Variants in RCAN3 observed in about 807,000 individuals in gnomAD.
The protein encoded by RCAN3 is regulator of calcineurin 3.
RCAN3 carries 19 observed loss-of-function variants against 21.9 expected under a neutral mutation model. That is an observed-to-expected ratio of 0.87 (90% CI 0.61 to 1.27). The LOEUF (loss-of-function observed/expected upper bound fraction) is 1.27, where lower values mean the gene tolerates loss of function less well. Ranked by LOEUF, RCAN3 falls within the 50% of genes most tolerant of loss-of-function variation. The pLI is 0.00. For missense variants in RCAN3, 240 were observed against 300.1 expected, an observed-to-expected ratio of 0.80 and a Z score of 1.48; for synonymous variants, 114 against 112.3, an observed-to-expected ratio of 1.01 and a Z score of -0.09.
chr1:24,505,483 A>G (rs1647373317), intron 1 of RCAN3, among the ~76,000 whole-genome samples: 1 of 152,048 alleles, frequency 6.6e-6, no homozygotes, highest in South Asian at 2.1e-4. Flanking sequence ...TCCGCCTCCC[A>G]AAGTGCTGGG....
rs1162954418 is a variant in RCAN3, at chr1:24,539,170, G to A, written c.*3893G>A. ...CTGGCAATCCCAACTCCTGGGCTAG[G>A]GCTTTTTCTACCTTTTTTTGCATTG... is the stretch of plus-strand genomic sequence containing the variant. On this transcript the variant is annotated 3_prime_UTR_variant, in exon 5 of 5. Coordinates refer to ENST00000374395, the MANE Select transcript of RCAN3 (RefSeq NM_013441.4). The A allele has an allele frequency of 3.3e-5, 5 of 151,948 alleles. No individual in the cohort carries two copies. In the South Asian group the frequency reaches 1.0e-3, roughly 32 times the overall value. 9.4% of individuals were successfully genotyped at this position (151,948 alleles called of 1,614,324 possible). A position where few individuals can be genotyped will look rare whatever the true frequency, so the allele number is the denominator to read the frequency against.
At chr1:24,534,954 C>A in intron 4 of RCAN3, 139 bp from the exon 5 acceptor site, 1 of 794,716 alleles carries the variant, frequency 1.3e-6, no homozygotes, top group South Asian at 2.0e-5. Context: ...AGATAAAATA[C>A]TCTAACATAG....
intron 1 of RCAN3, among the ~76,000 whole-genome samples, chr1:24,508,023 G>C (rs1647574829): frequency 6.6e-6 from 1 of 152,126 alleles, no homozygotes; most frequent in African/African-American, 2.4e-5. Context: ...GGTTGCCAGT[G>C]AGCCGAGATT....
chr1:24,536,004 A>C lies in RCAN3; in HGVS notation c.*727A>C, dbSNP rs892250853. On this transcript the variant is annotated 3_prime_UTR_variant, in exon 5 of 5. Coordinates refer to ENST00000374395, the MANE Select transcript of RCAN3 (RefSeq NM_013441.4). ...ACATGGCTGCCCAGGAAGGACGGCC[A>C]CTTTAGAAGTGGGACGTATCACCAG... The C allele has an allele frequency of 2.6e-5, 4 of 152,156 alleles. No individual in the cohort carries two copies. Among genetic ancestry groups the C allele is most frequent in the Admixed American group, 1.3e-4 (2 of 15,276 alleles). The allele number at this position is 152,156 out of a possible 1,614,324, so 9.4% of individuals were successfully genotyped here. A position where few individuals can be genotyped will look rare whatever the true frequency, so the allele number is the denominator to read the frequency against.
chr1:24,514,341 A>G lies in RCAN3; in HGVS notation c.-32A>G. 2 of 1,592,074 alleles carry G rather than the reference A, an allele frequency of 1.3e-6. No homozygotes were observed. Among genetic ancestry groups the G allele is most frequent in the Non-Finnish European group, 1.7e-6 (2 of 1,167,986 alleles). On this transcript the variant is annotated 5_prime_UTR_variant, in exon 2 of 5. Coordinates refer to ENST00000374395, the MANE Select transcript of RCAN3 (RefSeq NM_013441.4). ...GGTGCCTGATAGACATCCTAGGACT[A>G]TACAGAAGGAAAAGGCCCACTTTGG...
intron 2 of RCAN3, among the ~76,000 whole-genome samples, chr1:24,524,744 G>A (rs1418885215): frequency 1.3e-5 from 2 of 151,770 alleles, no homozygotes; most frequent in Non-Finnish European, 2.9e-5. Flanking sequence ...GGATGCTAAA[G>A]ATAATTTCAC....
intron 3 of RCAN3, among the ~76,000 whole-genome samples, chr1:24,532,370 G>A (rs895544505): frequency 4.6e-5 from 7 of 152,000 alleles, no homozygotes; most frequent in Non-Finnish European, 8.8e-5. Flanking sequence ...GGGACTACAG[G>A]CATATGCCAC....
At chr1:24,522,345 G>C (rs1231090583) in intron 2 of RCAN3, among the ~76,000 whole-genome samples, 1 of 152,126 alleles carries the variant, frequency 6.6e-6, no homozygotes, top group Non-Finnish European at 1.5e-5. Flanking sequence ...TTTCTGTGCT[G>C]CCTGAACAAG....
At chr1:24,508,693 G>C (rs998834217) in intron 1 of RCAN3, among the ~76,000 whole-genome samples, 3 of 152,122 alleles carry the variant, frequency 2.0e-5, no homozygotes, top group Non-Finnish European at 2.9e-5. Context: ...GCTTGTTCGG[G>C]GATATCGCGG....
At chr1:24,531,462 C>A in intron 3 of RCAN3, 71 bp downstream of exon 3, 1 of 1,178,518 alleles carries the variant, frequency 8.5e-7, no homozygotes, top group Non-Finnish European at 1.2e-6. Flanking sequence ...TTTATTTCAC[C>A]GTTTTCTATA....
intron 2 of RCAN3, among the ~76,000 whole-genome samples, chr1:24,526,183 C>T (rs1649249313): frequency 6.6e-6 from 1 of 152,086 alleles, no homozygotes; most frequent in Admixed American, 6.5e-5. Flanking sequence ...CCTCGAACTC[C>T]TGGGTTCAAG....
upstream of RCAN3, chr1:24,502,602 G>GAA (rs1250701024): frequency 6.5e-6 from 1 of 152,746 alleles, no homozygotes; most frequent in African/African-American, 2.4e-5. Flanking sequence ...GCTCCCGGTG[G>GAA]AAAACGAGAA....
intron 2 of RCAN3, among the ~76,000 whole-genome samples, chr1:24,530,778 A>G (rs1303503987): frequency 6.6e-6 from 1 of 152,242 alleles, no homozygotes; most frequent in Non-Finnish European, 1.5e-5. Context: ...TGGGAGGCCC[A>G]GGTGGACAGA....
Position 24,535,340 on chromosome 1 carries a change from G to C in RCAN3, c.*63G>C. The C allele has an allele frequency of 6.8e-7, 1 of 1,473,774 alleles. No individual in the cohort carries two copies. The highest frequency in any genetic ancestry group is 9.0e-7 in the Non-Finnish European group (1 of 1,114,766). 91.3% of individuals were successfully genotyped at this position (1,473,774 alleles called of 1,614,324 possible). A position where few individuals can be genotyped will look rare whatever the true frequency, so the allele number is the denominator to read the frequency against. On this transcript the variant is annotated 3_prime_UTR_variant, in exon 5 of 5. Coordinates refer to ENST00000374395, the MANE Select transcript of RCAN3 (RefSeq NM_013441.4). ...GCTCTGGCCATGGCGCTCTGTGCCT[G>C]CGGCCGATGCGTTGCTGCGAACAGC... is the stretch of plus-strand genomic sequence containing the variant.
chr1:24,506,017 T>G (rs1243259175), intron 1 of RCAN3, among the ~76,000 whole-genome samples: 1 of 152,194 alleles, frequency 6.6e-6, no homozygotes, highest in Non-Finnish European at 1.5e-5. Flanking sequence ...TCATTTGATA[T>G]TTCCATGAAG....
intron 3 of RCAN3, among the ~76,000 whole-genome samples, chr1:24,532,776 G>A (rs996755616): frequency 2.7e-5 from 4 of 150,488 alleles, no homozygotes; most frequent in East Asian, 3.9e-4. Flanking sequence ...GTGCAACCCC[G>A]TCTCTACTAA....
At chr1:24,512,447 G>T (rs1216984989) in intron 1 of RCAN3, among the ~76,000 whole-genome samples, 1 of 152,044 alleles carries the variant, frequency 6.6e-6, no homozygotes, top group Non-Finnish European at 1.5e-5. Flanking sequence ...TGCTGGCTTT[G>T]CTGGGAGTGC....
At chr1:24,502,777 C>T (rs958437642), upstream of RCAN3, 9 of 151,044 alleles carry the variant, frequency 6.0e-5, no homozygotes, top group African/African-American at 2.2e-4. Flanking sequence ...CCGGTCCCCG[C>T]CCGGGTCCCC....
intron 1 of RCAN3, among the ~76,000 whole-genome samples, chr1:24,509,740 A>G (rs1415921484): frequency 2.6e-5 from 4 of 152,192 alleles, no homozygotes; most frequent in South Asian, 4.1e-4. Flanking sequence ...ACCTCCTCCC[A>G]TAAATCACGA....
Sources: allele counts gnomAD v4.1 joint callset (sites outside exome capture counted in the v4.1 genomes callset), GRCh38; gene constraint gnomAD v4.1.1; transcripts MANE v1.5; gene names NCBI Gene and HGNC (gene_info 2026-07-23, HGNC 2026-07-21).